HMGCLL1: variants seen among roughly 807,000 people sequenced by gnomAD.
HMGCLL1 encodes 3-hydroxy-3-methylglutaryl-CoA lyase like 1, also known as 3-hydroxymethyl-3-methylglutaryl-CoA lyase, cytoplasmic.
In HMGCLL1, 36 loss-of-function variants were observed where a neutral mutation model predicts 39.1. The observed-to-expected ratio is 0.92, with a 90% CI of 0.71 to 1.22. HMGCLL1 has a LOEUF of 1.22. Ranked by LOEUF, HMGCLL1 falls within the 50% of genes most tolerant of loss-of-function variation. HMGCLL1 has a pLI of 0.00. For missense variants in HMGCLL1, 451 were observed against 416.5 expected, an observed-to-expected ratio of 1.08 and a Z score of -0.72; for synonymous variants, 149 against 144.0, an observed-to-expected ratio of 1.03 and a Z score of -0.25.
At chr6:55,445,979 T>C (rs1479810243) in intron 7 of HMGCLL1, among the ~76,000 whole-genome samples, 1 of 151,994 alleles carries the variant, frequency 6.6e-6, no homozygotes, top group African/African-American at 2.4e-5. Flanking sequence ...ACTAAAGGTG[T>C]AGAACACATG....
At chr6:55,582,365 G>A (rs114614462), upstream of HMGCLL1, among the ~76,000 whole-genome samples, 2,430 of 152,178 alleles carry the variant, frequency 0.016, 64 homozygotes, top group African/African-American at 0.055. Context: ...CTTCCTGGGT[G>A]ATTTTGCACT....
chr6:55,592,598 C>T, the HMGCLL1 span, among the ~76,000 whole-genome samples: 1 of 152,004 alleles, frequency 6.6e-6, no homozygotes, highest in Non-Finnish European at 1.5e-5. Context: ...TCACTAGATG[C>T]CAGTAGCCTC....
chr6:55,457,969 TC>T (rs1332393947), intron 7 of HMGCLL1, among the ~76,000 whole-genome samples: 1 of 152,120 alleles, frequency 6.6e-6, no homozygotes, highest in East Asian at 1.9e-4. Flanking sequence ...AATTTCTAGG[TC>T]CTCACTAGAA....
At chr6:55,639,587 C>A in the HMGCLL1 span, among the ~76,000 whole-genome samples, 1 of 151,906 alleles carries the variant, frequency 6.6e-6, no homozygotes, top group Admixed American at 6.6e-5. Flanking sequence ...AGTGCTGGAA[C>A]TAGAACTTAA....
At chr6:55,608,431 G>C in the HMGCLL1 span, among the ~76,000 whole-genome samples, 1 of 152,074 alleles carries the variant, frequency 6.6e-6, no homozygotes, top group East Asian at 1.9e-4. Context: ...TATGTTTCTC[G>C]GTTAGAGAAT....
intron 7 of HMGCLL1, among the ~76,000 whole-genome samples, chr6:55,477,169 A>G (rs1193650590): frequency 2.2e-5 from 1 of 46,190 alleles, no homozygotes; most frequent in Non-Finnish European, 3.5e-5. Context: ...ATTATAATAT[A>G]ATATATATTA....
chr6:55,587,044 C>T, the HMGCLL1 span, among the ~76,000 whole-genome samples: 5 of 152,228 alleles, frequency 3.3e-5, no homozygotes, highest in Middle Eastern at 3.4e-3. Context: ...TCTCCACATC[C>T]TCTCCAGCAT....
At chr6:55,535,177 C>A (rs912277367) in intron 3 of HMGCLL1, among the ~76,000 whole-genome samples, 4 of 152,062 alleles carry the variant, frequency 2.6e-5, no homozygotes, top group Non-Finnish European at 5.9e-5. Context: ...AAATATTGGA[C>A]AAACAGCAAT....
rs1439247880 is a variant in HMGCLL1, at chr6:55,516,617, T to C, written c.298-14A>G. The C allele has an allele frequency of 2.0e-6, 3 of 1,491,208 alleles. No homozygotes were observed. The highest frequency in any genetic ancestry group is 2.8e-6 in the Non-Finnish European group (3 of 1,077,518). The allele number at this position is 1,491,208 out of a possible 1,614,324, so 92.4% of individuals were successfully genotyped here. A position where few individuals can be genotyped will look rare whatever the true frequency, so the allele number is the denominator to read the frequency against. On this transcript the variant is annotated splice_polypyrimidine_tract_variant and intron_variant, in intron 3 of 8. Coordinates refer to ENST00000274901, the MANE Select transcript of HMGCLL1 (RefSeq NM_001042406.2). ...GTGATCAGCCATCTTAAATACATAA[T>C]AGTTATATGTAAATGTGTAACTTCG... is the stretch of plus-strand genomic sequence containing the variant.
the HMGCLL1 span, among the ~76,000 whole-genome samples, chr6:55,627,673 A>C: frequency 7.0e-6 from 1 of 142,276 alleles, no homozygotes; most frequent in African/African-American, 2.5e-5. Flanking sequence ...TCCAGGGAAT[A>C]TAAAGCAGGC....
At chr6:55,561,709 G>A (rs1770958261) in intron 1 of HMGCLL1, among the ~76,000 whole-genome samples, 1 of 152,110 alleles carries the variant, frequency 6.6e-6, no homozygotes, top group Admixed American at 6.6e-5. Context: ...TCTTCTATCA[G>A]TATAATGCAG....
chr6:55,553,991 C>A (rs1770512272), intron 1 of HMGCLL1, among the ~76,000 whole-genome samples: 1 of 152,066 alleles, frequency 6.6e-6, no homozygotes. Context: ...AACATCAACT[C>A]CACCCATCCT....
intron 1 of HMGCLL1, among the ~76,000 whole-genome samples, chr6:55,550,135 A>G (rs1770244954): frequency 6.6e-6 from 1 of 152,014 alleles, no homozygotes; most frequent in Non-Finnish European, 1.5e-5. Flanking sequence ...ATTGAGTGCT[A>G]AAGGTGGCAG....
At chr6:55,488,656 A>G (rs567224855) in intron 7 of HMGCLL1, among the ~76,000 whole-genome samples, 149 of 152,188 alleles carry the variant, frequency 9.8e-4, no homozygotes, top group Non-Finnish European at 1.9e-3. Context: ...TGTCACTTCT[A>G]GAAGAGGGTT....
chr6:55,644,588 A>G, the HMGCLL1 span, among the ~76,000 whole-genome samples: 2 of 152,030 alleles, frequency 1.3e-5, no homozygotes, highest in Non-Finnish European at 2.9e-5. Flanking sequence ...GGCAAGAGAT[A>G]CAAACCAAGT....
chr6:55,438,983 C>T (rs570955162), intron 8 of HMGCLL1, among the ~76,000 whole-genome samples: 6 of 151,924 alleles, frequency 3.9e-5, no homozygotes, highest in Non-Finnish European at 7.4e-5. Flanking sequence ...TATGAAGCTC[C>T]CCTCTTTCAC....
chr6:55,457,868 C>T (rs1290787889), intron 7 of HMGCLL1, among the ~76,000 whole-genome samples: 1 of 152,080 alleles, frequency 6.6e-6, no homozygotes, highest in Admixed American at 6.6e-5. Context: ...AAATTGAAGC[C>T]AGTGCACCAG....
chr6:55,659,511 A>G, the HMGCLL1 span, among the ~76,000 whole-genome samples: 1 of 151,922 alleles, frequency 6.6e-6, no homozygotes, highest in Admixed American at 6.6e-5. Context: ...TAATTGGTTA[A>G]TTGCTAGTTG....
chr6:55,464,818 C>T (rs1042109346), intron 7 of HMGCLL1, among the ~76,000 whole-genome samples: 1 of 152,120 alleles, frequency 6.6e-6, no homozygotes, highest in African/African-American at 2.4e-5. Flanking sequence ...GCTTTATTAT[C>T]ATAATTAAGT....
Sources: allele counts gnomAD v4.1 joint callset (sites outside exome capture counted in the v4.1 genomes callset), GRCh38; gene constraint gnomAD v4.1.1; transcripts MANE v1.5; gene names NCBI Gene and HGNC (gene_info 2026-07-23, HGNC 2026-07-21).